Variants in EIF4G1 observed in about 807,000 individuals in gnomAD.
EIF4G1 encodes EIF4-gamma.
Under a neutral mutation model 187.8 loss-of-function variants are expected in EIF4G1, and 4 were observed. The ratio of observed to expected loss-of-function variants is 0.02; its 90% confidence interval spans 0.01 to 0.05. EIF4G1 has a LOEUF of 0.05. EIF4G1 is among the 10% of genes least tolerant of loss of function. EIF4G1 has a pLI of 1.00. For missense variants in EIF4G1, 1,647 were observed against 2,081.1 expected, an observed-to-expected ratio of 0.79 and a Z score of 4.06; for synonymous variants, 844 against 781.4, an observed-to-expected ratio of 1.08 and a Z score of -1.34.
chr3:184,317,562 A>C (rs1037403362), intron 5 of EIF4G1, 65 bp downstream of exon 5: 6 of 1,595,644 alleles, frequency 3.8e-6, no homozygotes, highest in Non-Finnish European at 5.1e-6. Context: ...ACTCACCCTG[A>C]CCCTCCAGTT....
rs202143168 is a variant in EIF4G1 at position 184,322,055 on chromosome 3, A to T, written c.1471A>T (p.Ile491Phe). 3.7e-5 allele frequency: 59 copies of T among 1,614,004 alleles called. No homozygotes were observed. The highest frequency in any genetic ancestry group is 4.9e-5 in the Non-Finnish European group (58 of 1,180,030). ...ACTGCTCCCCCCAGAGAGTACCCCTATTCCAGCCAACTTGTCTCAGAATTT... is the reference window on the plus strand; with the variant it reads ...ACTGCTCCCCCCAGAGAGTACCCCTTTTCCAGCCAACTTGTCTCAGAATTT... ...EELLPPESTP[I>F]PANLSQNLEA... Residue 491 changes from isoleucine to phenylalanine, a missense_variant, in exon 10 of 33, where the codon ATT becomes TTT. This residue lies in a region of EIF4G1 where 522 missense variants were observed against 485.2 expected (regional missense o/e 1.08). Coordinates refer to ENST00000346169, the MANE Select transcript of EIF4G1 (RefSeq NM_198241.3).
Position 184,324,165 on chromosome 3 carries a change from A to T in EIF4G1, c.2473-36A>T, listed in dbSNP as rs764179666. On this transcript the variant is annotated intron_variant, in intron 16 of 32. Coordinates refer to ENST00000346169, the MANE Select transcript of EIF4G1 (RefSeq NM_198241.3). ...TCTTGGAGGGCCTTCCCTGCCCAGG[A>T]CTAGTCTTGAGTGTGACATTCTCTC... The T allele has an allele frequency of 2.5e-6, 4 of 1,614,194 alleles. No homozygotes were observed. In the South Asian group the frequency reaches 4.4e-5, roughly 18 times the overall value.
intron 4 of EIF4G1, 109 bp downstream of exon 4, chr3:184,316,327 C>G: frequency 7.2e-7 from 1 of 1,391,440 alleles, no homozygotes; most frequent in East Asian, 2.5e-5. Flanking sequence ...GGCCTTAATC[C>G]TCTGTGTTCT....
chr3:184,324,493 T>A, intron 17 of EIF4G1, 146 bp downstream of exon 17: 1 of 1,211,484 alleles, frequency 8.3e-7, no homozygotes, highest in Non-Finnish European at 1.2e-6. Flanking sequence ...TTTGAGACAG[T>A]CTTGCTCTGT....
chr3:184,323,079 G>T lies in EIF4G1; in HGVS notation c.1930-4G>T, dbSNP rs1196929583. On this transcript the variant is annotated splice_polypyrimidine_tract_variant and splice_region_variant and intron_variant, in intron 13 of 32. Coordinates refer to ENST00000346169, the MANE Select transcript of EIF4G1 (RefSeq NM_198241.3). This position sits in a 1 kb window ranked among gnomAD's most constrained non-coding sequence, Gnocchi z 6.9. Reference sequence around the variant, plus strand: ...TCTGAGACCTTTTCCTGTCCTCTTTGCAGGCCAATAAAACACCACTGCGGC... The same window carrying T: ...TCTGAGACCTTTTCCTGTCCTCTTTTCAGGCCAATAAAACACCACTGCGGC... The T allele has an allele frequency of 6.2e-7, 1 of 1,614,198 alleles. No individual in the cohort carries two copies. Among genetic ancestry groups the T allele is most frequent in the South Asian group, 1.1e-5 (1 of 91,090 alleles).
chr3:184,317,886 A>G lies in EIF4G1; in HGVS notation c.424+70A>G, dbSNP rs537459945. The G allele has an allele frequency of 5.4e-5, 63 of 1,168,012 alleles. No individual in the cohort carries two copies. The South Asian group carries it at 7.1e-4, about 13-fold the overall frequency. 72.4% of individuals were successfully genotyped at this position (1,168,012 alleles called of 1,614,324 possible). A position where few individuals can be genotyped will look rare whatever the true frequency, so the allele number is the denominator to read the frequency against. The stretch of plus-strand genomic sequence containing the variant: ...CATCTAAACTCATCTGCTGATTTCT[A>G]AAGCAGAAGACCCTTCCCAGGCTTG... On this transcript the variant is annotated intron_variant, in intron 6 of 32. Transcript: ENST00000346169.
rs759879950 is a variant in EIF4G1, at chr3:184,325,521, C to T, written c.3003C>T (p.Thr1001=). 6.2e-7 allele frequency: 1 copy of T among 1,614,148 alleles called. No individual in the cohort carries two copies. Among genetic ancestry groups the T allele is most frequent in the South Asian group, 1.1e-5 (1 of 91,084 alleles). Residue 1001 remains threonine (T), a synonymous_variant, in exon 20 of 33, where the codon ACC becomes ACT. Coordinates refer to ENST00000346169, the MANE Select transcript of EIF4G1 (RefSeq NM_198241.3). The surrounding 1 kb of genome is among the most constrained non-coding windows in gnomAD (Gnocchi z 5.2). ...GCCGAGGGGATCAGGGTCCCAAGAC[C>T]ATTGACCAGATCCATAAGGAGGCTG... is the stretch of plus-strand genomic sequence containing the variant. ...VPRRGDQGPK[T]IDQIHKEAEM... is the part of the protein sequence containing the mutation.
At chr3:184,320,843 G>T in intron 8 of EIF4G1, 84 bp from the exon 9 acceptor site, 2 of 1,606,792 alleles carry the variant, frequency 1.2e-6, no homozygotes, top group Non-Finnish European at 1.7e-6. Flanking sequence ...GGATTTCTAG[G>T]CAGAGCTAAA....
In EIF4G1 at chr3:184,323,964, G is replaced by A. The variant is rs2108492488; in HGVS notation, c.2459G>A (p.Arg820His). Residue 820 changes from arginine (R) to histidine (H), a missense_variant, in exon 16 of 33, where the codon CGC (arginine) becomes CAC (histidine). Physicochemically the swap from Arg to His is conservative, Grantham distance 29. This residue lies in a region of EIF4G1 where 36 missense variants were observed against 87.6 expected (regional missense o/e 0.41). Coordinates refer to ENST00000346169, the MANE Select transcript of EIF4G1 (RefSeq NM_198241.3). This position sits in a 1 kb window ranked among gnomAD's most constrained non-coding sequence, Gnocchi z 6.9. ...NFSVAYANMC[R>H]CLMALKVPTT... ...TCTGTGGCCTATGCCAACATGTGCC[G>A]CTGCCTCATGGCGGTTAGTTTCCAG... The A allele has an allele frequency of 1.2e-6, 2 of 1,613,850 alleles. No homozygotes were observed. Among genetic ancestry groups the A allele is most frequent in the South Asian group, 1.1e-5 (1 of 91,058 alleles).
chr3:184,328,577 G>A (rs1392127572), intron 26 of EIF4G1, 54 bp from the exon 27 acceptor site: 1 of 1,613,536 alleles, frequency 6.2e-7, no homozygotes, highest in Non-Finnish European at 8.5e-7. Context: ...CGTTGCCCCA[G>A]AAGGAGAGTG....
Position 184,315,862 on chromosome 3 carries a change from T to C in EIF4G1, c.60+6T>C. 7.2e-7 allele frequency: 1 copy of C among 1,391,456 alleles called. No individual in the cohort carries two copies. Among genetic ancestry groups the C allele is most frequent in the Non-Finnish European group, 9.6e-7 (1 of 1,036,436 alleles). The allele number at this position is 1,391,456 out of a possible 1,614,324, so 86.2% of individuals were successfully genotyped here. On this transcript the variant is annotated splice_donor_region_variant and intron_variant, in intron 3 of 32. Coordinates refer to ENST00000346169, the MANE Select transcript of EIF4G1 (RefSeq NM_198241.3). ...CATCCCCCGGACTCCCACAGGTAAT[T>C]AGGGAGGAATTAGCAGGGGTGGGGG...
chr3:184,334,942 GAC>G lies in EIF4G1; in HGVS notation c.*40_*41del, dbSNP rs1560236474. The G allele has an allele frequency of 1.2e-6, 2 of 1,612,682 alleles. No homozygotes were observed. The highest frequency in any genetic ancestry group is 2.2e-5 in the East Asian group (1 of 44,864). On this transcript the variant is annotated 3_prime_UTR_variant, in exon 33 of 33. Transcript: ENST00000346169. This position sits in a 1 kb window ranked among gnomAD's most constrained non-coding sequence, Gnocchi z 5.8. The stretch of plus-strand genomic sequence containing the variant: ...GGGGCCGGGGACCTGGAGCCCCATG[GAC>G]ACACAGATGGCCCGGCTAGCCGCCT...
chr3:184,315,330 G>A (rs373418022), intron 1 of EIF4G1, 159 bp from the exon 2 acceptor site: 18 of 511,280 alleles, frequency 3.5e-5, no homozygotes, highest in Non-Finnish European at 7.0e-5. Context: ...GGCCAGGCCC[G>A]AACCCGGTGT....
At position 184,324,940 on chromosome 3, in the gene EIF4G1, C is replaced by T; in HGVS notation, c.2682C>T (p.Arg894=). The T allele has an allele frequency of 1.2e-6, 2 of 1,614,238 alleles. No homozygotes were observed. Among genetic ancestry groups the T allele is most frequent in the Non-Finnish European group, 1.7e-6 (2 of 1,180,048 alleles). The change falls in exon 18 of 33, where the codon CGC becomes CGT. Residue 894 remains arginine (R), a synonymous_variant. Coordinates refer to ENST00000346169, the MANE Select transcript of EIF4G1 (RefSeq NM_198241.3). ...AGGCTCGGGACATAGCCCGGCGGCG[C>T]TCTTTAGGGAATATCAAGTTTATTG... ...LEEARDIARR[R]SLGNIKFIGE... is the part of the protein sequence containing the mutation.
Position 184,315,484 on chromosome 3 carries a change from C to T in EIF4G1, c.-91-5C>T, listed in dbSNP as rs1338989980. 6.2e-6 allele frequency: 4 copies of T among 647,324 alleles called. No homozygotes were observed. The highest frequency in any genetic ancestry group is 1.2e-5 in the Non-Finnish European group (4 of 343,124). The allele number at this position is 647,324 out of a possible 1,614,324, so 40.1% of individuals were successfully genotyped here. ...CAGGTTGATACCCTCACCTCCCAAC[C>T]CCAGGCCCTCGGATGCCCAGAACCT... On this transcript the variant is annotated splice_polypyrimidine_tract_variant and splice_region_variant and intron_variant, in intron 1 of 32. Transcript: ENST00000346169.
Position 184,322,936 on chromosome 3 carries a change from T to G in EIF4G1, c.1911T>G (p.Ser637Arg). Residue 637 changes from serine to arginine, a missense_variant, in exon 13 of 33, where the codon AGT becomes AGG. Around this residue, in one of 11 missense-constraint regions of EIF4G1, gnomAD observed 140 missense variants for 222.2 expected, o/e 0.63. Coordinates refer to ENST00000346169, the MANE Select transcript of EIF4G1 (RefSeq NM_198241.3). ...MQKPEGLPHISDVVLDKANKT... is the reference protein window; with the variant it reads ...MQKPEGLPHIRDVVLDKANKT... Reference sequence around the variant, plus strand: ...AGCCAGAGGGATTGCCACATATCAGTGACGTGGTGCTGGACAAGGTTAGTG... The same window carrying G: ...AGCCAGAGGGATTGCCACATATCAGGGACGTGGTGCTGGACAAGGTTAGTG... The G allele has an allele frequency of 6.2e-7, 1 of 1,614,200 alleles. No individual in the cohort carries two copies. The highest frequency in any genetic ancestry group is 8.5e-7 in the Non-Finnish European group (1 of 1,180,040).
chr3:184,316,229 G>A lies in EIF4G1; in HGVS notation c.147+11G>A, dbSNP rs374867496. ...TCTCAGCCCCGCCAGGTGAGGGGCT[G>A]TGGGGAGGGGAGTAGGGGACCTGGG... is the stretch of plus-strand genomic sequence containing the variant. On this transcript the variant is annotated intron_variant, in intron 4 of 32. Transcript: ENST00000346169. 71 of 1,613,924 alleles carry A rather than the reference G, an allele frequency of 4.4e-5. No homozygotes were observed. The highest frequency in any genetic ancestry group is 1.7e-4 in the Admixed American group (10 of 60,022).
chr3:184,324,237 G>T lies in EIF4G1; in HGVS notation c.2509G>T (p.Val837Leu). The change falls in exon 17 of 33, where the codon GTG (valine) becomes TTG (leucine). Residue 837 changes from valine (V) to leucine (L), a missense_variant. Physicochemically the swap from Val to Leu is conservative, Grantham distance 32 (BLOSUM62 1). Coordinates refer to ENST00000346169, the MANE Select transcript of EIF4G1 (RefSeq NM_198241.3). ...CACTACGGAAAAGCCAACAGTGACT[G>T]TGAACTTCCGAAAGCTGTTGTTGAA... Reference protein sequence around the residue: ...VPTTEKPTVTVNFRKLLLNRC... With the variant: ...VPTTEKPTVTLNFRKLLLNRC... 6.2e-7 allele frequency: 1 copy of T among 1,614,228 alleles called. No individual in the cohort carries two copies. Among genetic ancestry groups the T allele is most frequent in the Non-Finnish European group, 8.5e-7 (1 of 1,180,044 alleles).
At chr3:184,320,537 G>T (rs1403889429) in intron 7 of EIF4G1, 93 bp from the exon 8 acceptor site, 3 of 1,606,024 alleles carry the variant, frequency 1.9e-6, no homozygotes, top group Admixed American at 3.4e-5. Context: ...CCCGCTGGGG[G>T]GTGGGGAGTT....
Sources: allele counts gnomAD v4.1 joint callset, GRCh38; gene constraint gnomAD v4.1.1; regional missense constraint gnomAD v4.1.1; non-coding constraint Gnocchi (gnomAD v3.1); transcripts MANE v1.5; gene names NCBI Gene and HGNC (gene_info 2026-07-23, HGNC 2026-07-21).